The following USF2 variants were observed in gnomAD, a reference collection of about 807,000 sequenced individuals.
USF2 encodes the protein upstream stimulatory factor 2.
A neutral mutation model predicts 46.9 loss-of-function variants in USF2; 16 were observed. That is an observed-to-expected ratio of 0.34 (90% CI 0.23 to 0.52). The LOEUF (loss-of-function observed/expected upper bound fraction) is 0.52. Among genes scored for constraint, USF2 ranks in the 20% least tolerant of loss-of-function variants. The pLI, the probability that USF2 is intolerant of heterozygous loss-of-function variation, is 0.96. For missense variants in USF2, 411 were observed against 474.0 expected (o/e 0.87, Z 1.23); for synonymous variants, 239 against 194.1 (o/e 1.23, Z -1.92).
At chr19:35,269,192 GC>G in intron 1 of USF2, 29 bp downstream of exon 1, 1 of 976,924 alleles carries the variant, frequency 1.0e-6, no homozygotes, top group Non-Finnish European at 1.2e-6. Context: ...CCGTGCCCCC[GC>G]GCCCCGGCCC....
intron 9 of USF2, 32 bp downstream of exon 9, chr19:35,279,106 C>T (rs2066275270): frequency 6.2e-7 from 1 of 1,612,986 alleles, no homozygotes; most frequent in South Asian, 1.1e-5. Context: ...GGTCAGGGCC[C>T]AGGAGCCCCA....
At position 35,279,161 on chromosome 19, in the gene USF2, C is replaced by T. The variant is rs2280747; in HGVS notation, c.952-6C>T. 350,687 of 1,608,856 alleles carry T rather than the reference C, an allele frequency of 0.22. 40,107 individuals carry two copies. The highest frequency in any genetic ancestry group is 0.25 in the Middle Eastern group (1,496 of 6,046). On this transcript the variant is annotated splice_region_variant and splice_polypyrimidine_tract_variant and intron_variant, in intron 9 of 9. Coordinates refer to ENST00000222305, the MANE Select transcript of USF2 (RefSeq NM_003367.4). ...CAGCTCCCTTGACCTCCGTCGTGTC[C>T]GCCAGATCGAGGAGCTGAAGAATGA...
chr19:35,270,344 C>A (rs765059802), intron 4 of USF2, 103 bp from the exon 5 acceptor site: 2 of 1,499,820 alleles, frequency 1.3e-6, no homozygotes, highest in African/African-American at 2.8e-5. Context: ...GTCCCCACTC[C>A]TGTTAATTGC....
chr19:35,269,424 C>T (rs768882054), intron 1 of USF2, 22 bp from the exon 2 acceptor site: 1 of 1,484,662 alleles, frequency 6.7e-7, no homozygotes, highest in Non-Finnish European at 8.9e-7. Context: ...GCTGACCCTG[C>T]TCCCTCCTGT....
chr19:35,273,988 G>A (rs2066196618), intron 7 of USF2, among the ~76,000 whole-genome samples: 1 of 152,224 alleles, frequency 6.6e-6, no homozygotes, highest in East Asian at 1.9e-4. Flanking sequence ...CTGCAGAAGA[G>A]TGTGTGACTC....
At position 35,279,482 on chromosome 19, in the gene USF2, C is replaced by T. The variant is rs2066281610; in HGVS notation, c.*226C>T. ...CCCTGCCCATCCGTCTGTCTGTCGC[C>T]CTTCTCCCGGCCCTCACTAAGCCCC... On this transcript the variant is annotated 3_prime_UTR_variant, in exon 10 of 10. Coordinates refer to ENST00000222305, the MANE Select transcript of USF2 (RefSeq NM_003367.4). The T allele has an allele frequency of 1.9e-6, 1 of 527,406 alleles. No homozygotes were observed. The highest frequency in any genetic ancestry group is 3.9e-5 in the Admixed American group (1 of 25,832). 32.7% of individuals were successfully genotyped at this position (527,406 alleles called of 1,614,324 possible).
At chr19:35,269,380 TGGGCGCGGGGGCGGGGGCGC>T (rs1356275150) in intron 1 of USF2, 46 bp from the exon 2 acceptor site, 66 of 1,279,456 alleles carry the variant, frequency 5.2e-5, no homozygotes, top group Non-Finnish European at 6.3e-5. Context: ...GCCCTGCAGC[TGGGCGCGGGGGCGGGGGCGC>T]GGGCGCGGGC....
At position 35,269,593 on chromosome 19, in the gene USF2, C is replaced by T; in HGVS notation, c.122C>T (p.Pro41Leu). 6.3e-7 allele frequency: 1 copy of T among 1,592,364 alleles called. No individual in the cohort carries two copies. Among genetic ancestry groups the T allele is most frequent in the East Asian group, 2.3e-5 (1 of 43,694 alleles). ...GVELQEGGDG[P>L]GAEEQTAVAI... ...TCCTCGGCCCCAGGCGGGGACGGCCCAGGAGCGGAGGAGCAGACAGCGGTG... is the reference window on the plus strand; with the variant it reads ...TCCTCGGCCCCAGGCGGGGACGGCCTAGGAGCGGAGGAGCAGACAGCGGTG... Residue 41 changes from proline to leucine, a missense_variant, in exon 3 of 10, where the codon CCA becomes CTA. Physicochemically the swap from Pro to Leu is moderately conservative, Grantham distance 98. Coordinates refer to ENST00000222305, the MANE Select transcript of USF2 (RefSeq NM_003367.4).
chr19:35,269,401 G>C, intron 1 of USF2, 45 bp from the exon 2 acceptor site: 1 of 1,341,318 alleles, frequency 7.5e-7, no homozygotes. Flanking sequence ...GCGGGGGCGC[G>C]GGCGCGGGCC....
intron 9 of USF2, 37 bp downstream of exon 9, chr19:35,279,111 G>A (rs373941133): frequency 1.8e-5 from 29 of 1,613,046 alleles, no homozygotes; most frequent in Non-Finnish European, 2.4e-5. Flanking sequence ...GGGCCCAGGA[G>A]CCCCAGATGC....
chr19:35,273,025 G>A (rs1049558088), intron 7 of USF2, among the ~76,000 whole-genome samples: 6 of 151,948 alleles, frequency 3.9e-5, no homozygotes, highest in Non-Finnish European at 7.4e-5. Flanking sequence ...ACACAGTAAG[G>A]CGAAGAGAGG....
chr19:35,275,065 T>A (rs77574023), intron 7 of USF2: 1 of 152,256 alleles, frequency 6.6e-6, no homozygotes, highest in Non-Finnish European at 1.5e-5. Flanking sequence ...TTTGTTTGTT[T>A]GTTGTTTTGT....
rs376412985 is a variant in USF2, at chr19:35,271,119, G to A, written c.705G>A (p.Arg235=). 27 of 1,613,790 alleles carry A rather than the reference G, an allele frequency of 1.7e-5. No individual in the cohort carries two copies. Among genetic ancestry groups the A allele is most frequent in the African/African-American group, 1.1e-4 (8 of 74,816 alleles). The change falls in exon 7 of 10, where the codon AGG becomes AGA. Residue 235 remains arginine, a synonymous_variant. Coordinates refer to ENST00000222305, the MANE Select transcript of USF2 (RefSeq NM_003367.4). ...GAACCAGAACACCCCGAGATGAGAGGAGAAGAGCCCAGCACAACGAAGGTG... is the reference window on the plus strand; with the variant it reads ...GAACCAGAACACCCCGAGATGAGAGAAGAAGAGCCCAGCACAACGAAGGTG... The part of the protein sequence containing the change: ...IDGTRTPRDE[R]RRAQHNEVER...
At chr19:35,273,609 G>A (rs755242339) in intron 7 of USF2, among the ~76,000 whole-genome samples, 4 of 152,188 alleles carry the variant, frequency 2.6e-5, no homozygotes, top group Non-Finnish European at 4.4e-5. Context: ...CCAGGCTGGA[G>A]TACAGTGGCA....
At chr19:35,276,771 GCGCCTGGCGTTCC>G (rs1470920370) in intron 7 of USF2, among the ~76,000 whole-genome samples, 1 of 152,190 alleles carries the variant, frequency 6.6e-6, no homozygotes, top group Non-Finnish European at 1.5e-5. Flanking sequence ...CCATGGCTCG[GCGCCTGGCGTTCC>G]CGAGGCACTT....
rs1289971681 is a variant in USF2, at chr19:35,279,372, A to T, written c.*116A>T. The T allele has an allele frequency of 3.5e-6, 4 of 1,158,518 alleles. No homozygotes were observed. The East Asian group carries it at 1.2e-4, about 34-fold the overall frequency. The allele number at this position is 1,158,518 out of a possible 1,614,324, so 71.8% of individuals were successfully genotyped here. ...TCCCCCAGCTGCGTTTTTTTATAGT[A>T]GATTTTTAACAAAAAACGGGGAGAA... On this transcript the variant is annotated 3_prime_UTR_variant, in exon 10 of 10. Transcript: ENST00000222305.
At chr19:35,271,236 C>T in intron 7 of USF2, 95 bp downstream of exon 7, 2 of 1,478,654 alleles carry the variant, frequency 1.4e-6, no homozygotes, top group Non-Finnish European at 1.9e-6. Flanking sequence ...GAAGCCACTC[C>T]TGGGCAGGCC....
intron 1 of USF2, 136 bp from the exon 2 acceptor site, chr19:35,269,310 G>A (rs1372030855): frequency 1.6e-5 from 14 of 868,064 alleles, no homozygotes; most frequent in Non-Finnish European, 1.9e-5. Flanking sequence ...GGCGCCTCCC[G>A]CCCCCGGCCC....
At chr19:35,278,027 C>G (rs1364996826) in intron 7 of USF2, 1 of 152,266 alleles carries the variant, frequency 6.6e-6, no homozygotes, top group African/African-American at 2.4e-5. Flanking sequence ...GAGTTGCCAT[C>G]TCTGGCCTTC....
Sources: allele counts gnomAD v4.1 joint callset (sites outside exome capture counted in the v4.1 genomes callset), GRCh38; gene constraint gnomAD v4.1.1; transcripts MANE v1.5; gene names NCBI Gene and HGNC (gene_info 2026-07-23, HGNC 2026-07-21).